OR9Q1: variants seen among roughly 807,000 people sequenced by gnomAD.
The protein encoded by OR9Q1 is olfactory receptor 9Q1.
For missense variants in OR9Q1, 374 were observed against 378.8 expected, an observed-to-expected ratio of 0.99 and a Z score of 0.11; for synonymous variants, 153 against 148.6, an observed-to-expected ratio of 1.03 and a Z score of -0.22.
chr11:58,068,061 G>A (rs1021740528), intron 2 of OR9Q1, among the ~76,000 whole-genome samples: 31 of 152,126 alleles, frequency 2.0e-4, no homozygotes, highest in Non-Finnish European at 3.8e-4. Context: ...ACACCCAGCC[G>A]GGCATGGTGG....
chr11:58,169,009 C>T (rs1854530878), intron 2 of OR9Q1, among the ~76,000 whole-genome samples: 1 of 152,024 alleles, frequency 6.6e-6, no homozygotes, highest in Non-Finnish European at 1.5e-5. Flanking sequence ...TTTCTGTATG[C>T]CTTATATTGT....
intron 2 of OR9Q1, among the ~76,000 whole-genome samples, chr11:58,135,771 C>T (rs1387065333): frequency 6.6e-6 from 1 of 152,184 alleles, no homozygotes; most frequent in Admixed American, 6.5e-5. Flanking sequence ...CCTGGAGGTT[C>T]TAAGTGGATT....
At chr11:58,048,679 A>AAATATATATATATATATATATATAT (rs745596668) in intron 1 of OR9Q1, among the ~76,000 whole-genome samples, 4 of 131,430 alleles carry the variant, frequency 3.0e-5, no homozygotes, top group African/African-American at 1.1e-4. Flanking sequence ...TAAAAAAAAA[A>AAATATATATATATATATATATATAT]ATATATATAT....
At chr11:58,162,304 C>T (rs1053118530) in intron 2 of OR9Q1, among the ~76,000 whole-genome samples, 2 of 152,202 alleles carry the variant, frequency 1.3e-5, no homozygotes, top group African/African-American at 4.8e-5. Context: ...AATGTATTAT[C>T]TGTAATCATA....
intron 2 of OR9Q1, among the ~76,000 whole-genome samples, chr11:58,124,221 G>T (rs79352647): frequency 1.7e-3 from 261 of 152,210 alleles, no homozygotes; most frequent in African/African-American, 5.6e-3. Flanking sequence ...CCCGAACCCA[G>T]GACAGTTTAT....
chr11:58,064,889 G>A (rs1168796938), intron 2 of OR9Q1, among the ~76,000 whole-genome samples: 1 of 151,736 alleles, frequency 6.6e-6, no homozygotes, highest in East Asian at 1.9e-4. Context: ...ATTGGGGTAG[G>A]GGAGAATTCT....
intron 2 of OR9Q1, among the ~76,000 whole-genome samples, chr11:58,140,075 A>C (rs2119864767): frequency 6.6e-6 from 1 of 152,198 alleles, no homozygotes; most frequent in African/African-American, 2.4e-5. Flanking sequence ...TTGGCTGCAT[A>C]AATGTCTTCT....
chr11:58,040,572 T>G (rs1853151995), intron 1 of OR9Q1: 2 of 152,242 alleles, frequency 1.3e-5, no homozygotes, highest in African/African-American at 4.8e-5. Flanking sequence ...TAGAATGAAT[T>G]AGACCAGATG....
chr11:58,046,994 T>C (rs147710293), intron 1 of OR9Q1, among the ~76,000 whole-genome samples: 2 of 152,386 alleles, frequency 1.3e-5, no homozygotes, highest in East Asian at 3.9e-4. Flanking sequence ...TGCCTATTTC[T>C]TGACATAAGT....
intron 2 of OR9Q1, among the ~76,000 whole-genome samples, chr11:58,102,840 A>G (rs1853797950): frequency 6.6e-6 from 1 of 152,094 alleles, no homozygotes. Context: ...CTATTATTTC[A>G]TTAAATAAGT....
chr11:58,025,355 C>G (rs562511585), intron 1 of OR9Q1, among the ~76,000 whole-genome samples: 2 of 152,274 alleles, frequency 1.3e-5, no homozygotes, highest in South Asian at 4.1e-4. Flanking sequence ...GCGCACGCCA[C>G]CATGACCAGC....
intron 2 of OR9Q1, among the ~76,000 whole-genome samples, chr11:58,134,557 G>A (rs1022993409): frequency 1.1e-4 from 17 of 152,192 alleles, no homozygotes; most frequent in Admixed American, 2.6e-4. Flanking sequence ...AGAGCAGATG[G>A]GTCAGAGTGA....
chr11:58,054,180 A>T (rs1410452490), intron 1 of OR9Q1, among the ~76,000 whole-genome samples: 1 of 152,252 alleles, frequency 6.6e-6, no homozygotes, highest in African/African-American at 2.4e-5. Flanking sequence ...AGATAAGCAG[A>T]GTGCCTTCAG....
At chr11:58,073,571 T>C (rs1241589837) in intron 2 of OR9Q1, 1 of 152,964 alleles carries the variant, frequency 6.5e-6, no homozygotes, top group East Asian at 1.9e-4. Context: ...AATGGCGACT[T>C]TCTGTAAGTT....
chr11:58,178,592 A>G (rs1854626666), intron 2 of OR9Q1, among the ~76,000 whole-genome samples: 1 of 152,080 alleles, frequency 6.6e-6, no homozygotes, highest in Non-Finnish European at 1.5e-5. Context: ...AGAAAAAGGG[A>G]TAGAGTCCTG....
chr11:58,136,294 A>T (rs569039172), intron 2 of OR9Q1, among the ~76,000 whole-genome samples: 3 of 152,280 alleles, frequency 2.0e-5, no homozygotes, highest in South Asian at 4.1e-4. Context: ...ATTGCTCAAT[A>T]CTGTGGAGCA....
intron 2 of OR9Q1, among the ~76,000 whole-genome samples, chr11:58,105,273 C>G (rs751419503): frequency 6.6e-6 from 1 of 152,024 alleles, no homozygotes; most frequent in Non-Finnish European, 1.5e-5. Flanking sequence ...CCATGACATG[C>G]AAATGAAATG....
At chr11:58,082,668 G>C (rs1853599060) in intron 2 of OR9Q1, among the ~76,000 whole-genome samples, 1 of 142,382 alleles carries the variant, frequency 7.0e-6, no homozygotes, top group Non-Finnish European at 1.5e-5. Flanking sequence ...AATGGGTGCA[G>C]CACACCAGCA....
intron 2 of OR9Q1, among the ~76,000 whole-genome samples, chr11:58,133,048 T>C (rs547572953): frequency 6.6e-6 from 1 of 152,236 alleles, no homozygotes; most frequent in African/African-American, 2.4e-5. Flanking sequence ...AGACACCACA[T>C]TCTACCTGCG....
Sources: gnomAD v4.1 joint callset for allele counts (sites outside exome capture counted in the v4.1 genomes callset) on GRCh38, gnomAD v4.1.1 for gene constraint, MANE v1.5 for transcripts, NCBI Gene and HGNC (gene_info 2026-07-23, HGNC 2026-07-21) for gene names.